Variants in LRP1B observed in about 807,000 individuals in gnomAD.
LRP1B encodes LDL receptor related protein 1B.
In LRP1B, 217 loss-of-function variants were observed where a neutral mutation model predicts 556.6. That is an observed-to-expected ratio of 0.39 (90% CI 0.35 to 0.44). The LOEUF (loss-of-function observed/expected upper bound fraction) is 0.44, where lower values mean the gene tolerates loss of function less well. LRP1B is among the 20% of genes least tolerant of loss of function. The pLI is 1.00. For missense variants in LRP1B, 5,053 were observed against 5,620.8 expected, an observed-to-expected ratio of 0.90 and a Z score of 3.23; for synonymous variants, 2,047 against 1,865.8, an observed-to-expected ratio of 1.10 and a Z score of -2.50.
intron 3 of LRP1B, among the ~76,000 whole-genome samples, chr2:141,411,615 T>C (rs1690853270): frequency 6.6e-6 from 1 of 152,042 alleles, no homozygotes; most frequent in African/African-American, 2.4e-5. Flanking sequence ...GTTCTGATGG[T>C]TTATGTGCAT....
At chr2:140,835,174 T>C (rs1200645209) in intron 31 of LRP1B, among the ~76,000 whole-genome samples, 1 of 152,196 alleles carries the variant, frequency 6.6e-6, no homozygotes, top group Non-Finnish European at 1.5e-5. Flanking sequence ...AAAGCTCTCC[T>C]TAGTAGGGAA....
intron 41 of LRP1B, chr2:140,683,575 T>G: frequency 1.5e-6 from 1 of 680,980 alleles, no homozygotes; most frequent in Admixed American, 1.8e-5. Flanking sequence ...CAGTCTTCAT[T>G]AAAAAGATTG....
chr2:140,854,742 G>A (rs1301564457), intron 27 of LRP1B, among the ~76,000 whole-genome samples: 1 of 152,090 alleles, frequency 6.6e-6, no homozygotes, highest in African/African-American at 2.4e-5. Context: ...TGCAATAGTA[G>A]AATTGAACAG....
intron 49 of LRP1B, among the ~76,000 whole-genome samples, chr2:140,517,381 G>T (rs1417743963): frequency 1.3e-5 from 2 of 152,092 alleles, no homozygotes; most frequent in Non-Finnish European, 2.9e-5. Context: ...TAATATTTGG[G>T]TGGAAAATAC....
At chr2:140,383,351 G>A (rs925242645) in intron 67 of LRP1B, among the ~76,000 whole-genome samples, 2 of 151,480 alleles carry the variant, frequency 1.3e-5, no homozygotes, top group Non-Finnish European at 2.9e-5. Context: ...GATAACAATT[G>A]CAAATATCTT....
At chr2:140,861,751 C>A (rs1295815399) in intron 27 of LRP1B, among the ~76,000 whole-genome samples, 1 of 152,224 alleles carries the variant, frequency 6.6e-6, no homozygotes, top group Non-Finnish European at 1.5e-5. Context: ...ACTGAAATTG[C>A]TCTCACTAAA....
intron 3 of LRP1B, among the ~76,000 whole-genome samples, chr2:141,280,747 T>C (rs1283064557): frequency 3.9e-5 from 6 of 152,052 alleles, no homozygotes; most frequent in Admixed American, 3.3e-4. Context: ...TACTTAATAA[T>C]AGAAAGTAAA....
intron 72 of LRP1B, among the ~76,000 whole-genome samples, chr2:140,363,182 C>A (rs1682598216): frequency 6.6e-6 from 1 of 151,560 alleles, no homozygotes; most frequent in South Asian, 2.1e-4. Context: ...AGAATAAGAT[C>A]TCCTTGTCAA....
At chr2:140,655,381 C>T (rs1209408150) in intron 41 of LRP1B, among the ~76,000 whole-genome samples, 1 of 152,096 alleles carries the variant, frequency 6.6e-6, no homozygotes, top group Non-Finnish European at 1.5e-5. Flanking sequence ...TTATAATTGT[C>T]ACAGATATAA....
At chr2:141,511,894 CAAAT>C (rs1466815296) in intron 2 of LRP1B, among the ~76,000 whole-genome samples, 1 of 152,114 alleles carries the variant, frequency 6.6e-6, no homozygotes, top group Admixed American at 6.6e-5. Flanking sequence ...GTGAACACTA[CAAAT>C]AAATTTTCTT....
At chr2:141,407,551 G>C (rs889970617) in intron 3 of LRP1B, among the ~76,000 whole-genome samples, 1 of 152,132 alleles carries the variant, frequency 6.6e-6, no homozygotes, top group Non-Finnish European at 1.5e-5. Context: ...TTGGTGGTAA[G>C]TGAGCACTCT....
chr2:141,780,084 A>G (rs142195967), intron 2 of LRP1B, among the ~76,000 whole-genome samples: 171 of 150,838 alleles, frequency 1.1e-3, no homozygotes, highest in Non-Finnish European at 1.9e-3. Context: ...AAACAAAAGA[A>G]CAAGTGGATT....
intron 41 of LRP1B, among the ~76,000 whole-genome samples, chr2:140,680,478 A>C (rs1685823967): frequency 6.6e-6 from 1 of 152,140 alleles, no homozygotes; most frequent in Non-Finnish European, 1.5e-5. Context: ...CTTCAGACTG[A>C]ATTAAGATTT....
chr2:141,945,882 C>A (rs1260766383), intron 1 of LRP1B, among the ~76,000 whole-genome samples: 1 of 152,050 alleles, frequency 6.6e-6, no homozygotes, highest in Non-Finnish European at 1.5e-5. Context: ...TTATTCCCAG[C>A]CAATTCGAAT....
In LRP1B at chr2:141,115,452, G is replaced by GTTTTTTTTTT. The variant is rs1364204085; in HGVS notation, c.1014-53180_1014-53179insAAAAAAAAAA. Among the ~76,000 whole-genome samples, 78 of 90,586 alleles carry GTTTTTTTTTT rather than the reference G, an allele frequency of 8.6e-4. 1 individual carries two copies. The highest frequency in any genetic ancestry group is 2.4e-3 in the African/African-American group (64 of 26,380). The allele number at this position is 90,586 out of a possible 152,430, so 59.4% of individuals were successfully genotyped here. The stretch of plus-strand genomic sequence containing the variant: ...GACTTTGCAAAATGAATAGGTTTTT[G>GTTTTTTTTTT]TTTTTGTTTTTTTTTTTTTTTTGAG... On this transcript the variant is annotated intron_variant, in intron 7 of 90. Transcript: ENST00000389484.
chr2:142,077,926 T>C (rs1224827678), intron 1 of LRP1B, among the ~76,000 whole-genome samples: 1 of 152,142 alleles, frequency 6.6e-6, no homozygotes, highest in East Asian at 1.9e-4. Flanking sequence ...AATATTTAAA[T>C]AACATAATTA....
chr2:141,044,048 C>A (rs1466204520), intron 11 of LRP1B, among the ~76,000 whole-genome samples: 1 of 151,848 alleles, frequency 6.6e-6, no homozygotes, highest in Non-Finnish European at 1.5e-5. Context: ...ACCAAAACAG[C>A]ATGGTACTGG....
chr2:141,324,505 T>C (rs1471430248), intron 3 of LRP1B, among the ~76,000 whole-genome samples: 1 of 152,112 alleles, frequency 6.6e-6, no homozygotes, highest in African/African-American at 2.4e-5. Context: ...AAATATCAGT[T>C]ATATCAAGGA....
intron 6 of LRP1B, among the ~76,000 whole-genome samples, chr2:141,213,823 T>G (rs1196964714): frequency 1.3e-5 from 2 of 152,170 alleles, no homozygotes; most frequent in Non-Finnish European, 2.9e-5. Flanking sequence ...TTACTGGTTT[T>G]TTTTTCCTAA....
Sources: allele counts gnomAD v4.1 joint callset (sites outside exome capture counted in the v4.1 genomes callset), GRCh38; gene constraint gnomAD v4.1.1; transcripts MANE v1.5; gene names NCBI Gene and HGNC (gene_info 2026-07-23, HGNC 2026-07-21).